IFT80: variants seen among roughly 807,000 people sequenced by gnomAD.
IFT80 encodes intraflagellar transport protein 80 homolog.
IFT80 carries 79 observed loss-of-function variants against 107.9 expected under a neutral mutation model. The observed-to-expected ratio is 0.73, with a 90% CI of 0.61 to 0.88. The LOEUF (loss-of-function observed/expected upper bound fraction) is 0.88, where lower values mean the gene tolerates loss of function less well. Among genes scored for constraint, IFT80 ranks in the 40% least tolerant of loss-of-function variants. The pLI is 0.00. For synonymous variants in IFT80, 299 were observed against 300.9 expected, an observed-to-expected ratio of 0.99 and a Z score of 0.07; for missense variants, 797 against 914.2, an observed-to-expected ratio of 0.87 and a Z score of 1.65.
chr3:160,330,271 T>G (rs1246406583), intron 8 of IFT80, among the ~76,000 whole-genome samples: 3 of 152,168 alleles, frequency 2.0e-5, no homozygotes, highest in Admixed American at 1.3e-4. Context: ...GTTTAAAAGT[T>G]CTCTAGGTGA....
intron 9 of IFT80, among the ~76,000 whole-genome samples, chr3:160,310,530 T>C (rs1242324512): frequency 6.6e-6 from 1 of 152,218 alleles, no homozygotes; most frequent in African/African-American, 2.4e-5. Context: ...AGGAGAATTC[T>C]AGCTAATAAA....
chr3:160,362,172 C>T (rs1048860458), intron 6 of IFT80, among the ~76,000 whole-genome samples: 3 of 151,984 alleles, frequency 2.0e-5, no homozygotes, highest in African/African-American at 4.8e-5. Context: ...CAAATAGATA[C>T]AATAAAAAAT....
chr3:160,277,154 T>C (rs886116721), intron 18 of IFT80, 152 bp downstream of exon 18: 116 of 724,804 alleles, frequency 1.6e-4, no homozygotes, highest in Non-Finnish European at 2.2e-5. Context: ...AAGAAATAAA[T>C]TGTAAACTAT....
intron 1 of IFT80, among the ~76,000 whole-genome samples, chr3:160,393,676 A>C (rs916410745): frequency 6.6e-6 from 1 of 152,216 alleles, no homozygotes; most frequent in Admixed American, 6.5e-5. Flanking sequence ...GATGGTTTTT[A>C]AAAAAGAAAA....
At chr3:160,364,857 T>TG (rs1268834557) in intron 6 of IFT80, among the ~76,000 whole-genome samples, 19 of 151,772 alleles carry the variant, frequency 1.3e-4, no homozygotes, top group African/African-American at 3.6e-4. Context: ...TGTCGTAAGG[T>TG]GGGGGGCTGG....
At chr3:160,344,991 G>A (rs955194888) in intron 8 of IFT80, among the ~76,000 whole-genome samples, 33 of 152,260 alleles carry the variant, frequency 2.2e-4, no homozygotes, top group African/African-American at 7.5e-4. Flanking sequence ...TACCGCTGGT[G>A]AGAATGTAAA....
At chr3:160,322,622 CA>C (rs1718333136) in intron 8 of IFT80, among the ~76,000 whole-genome samples, 1 of 152,096 alleles carries the variant, frequency 6.6e-6, no homozygotes, top group Non-Finnish European at 1.5e-5. Flanking sequence ...CTGACTTCCA[CA>C]AGGGTTGAAC....
chr3:160,310,612 T>C (rs1443854062), intron 9 of IFT80, among the ~76,000 whole-genome samples: 1 of 152,180 alleles, frequency 6.6e-6, no homozygotes, highest in African/African-American at 2.4e-5. Flanking sequence ...TAAACAACTA[T>C]CATTAATGGC....
In IFT80 at chr3:160,367,615, C is replaced by T. The variant is rs938469646; in HGVS notation, c.440-1463G>A. The stretch of plus-strand genomic sequence containing the variant: ...GCTTGGCTAAAAAAAGCTCCAATAT[C>T]TTATAACTAGCATAAAGTTTACTTC... On this transcript the variant is annotated intron_variant, in intron 5 of 19. Transcript: ENST00000326448. Among the ~76,000 whole-genome samples, 4 of 152,148 alleles carry T rather than the reference C, an allele frequency of 2.6e-5. No homozygotes were observed. In the South Asian group the frequency reaches 8.3e-4, roughly 32 times the overall value.
At chr3:160,350,963 A>G (rs1461948552) in intron 8 of IFT80, among the ~76,000 whole-genome samples, 1 of 152,200 alleles carries the variant, frequency 6.6e-6, no homozygotes, top group Non-Finnish European at 1.5e-5. Flanking sequence ...GGGAAAGCTA[A>G]ATAAAATAAA....
intron 19 of IFT80, among the ~76,000 whole-genome samples, chr3:160,264,577 G>A (rs1713135920): frequency 6.7e-6 from 1 of 148,780 alleles, no homozygotes; most frequent in South Asian, 2.1e-4. Flanking sequence ...AACTACAGGT[G>A]CATGTCACCA....
Position 160,277,668 on chromosome 3 carries a change from C to A in IFT80, c.1839G>T (p.Glu613Asp), listed in dbSNP as rs1714372721. The change falls in exon 17 of 20, where the codon GAG (glutamate) becomes GAT (aspartate). Residue 613 changes from glutamate to aspartate, a missense_variant and splice_region_variant. Coordinates refer to ENST00000326448, the MANE Select transcript of IFT80 (RefSeq NM_020800.3). ...CAGCTAGACAAGCCCACATGGTTTG[C>A]TCCTAAAGTAAAGTATGAGAACAAT... ...DAVRLCRFVK[E>D]QTMWACLAAM... The A allele has an allele frequency of 6.2e-7, 1 of 1,610,798 alleles. No individual in the cohort carries two copies. The highest frequency in any genetic ancestry group is 1.3e-5 in the African/African-American group (1 of 74,932).
chr3:160,361,925 GA>G (rs1467618467), intron 6 of IFT80, among the ~76,000 whole-genome samples: 2 of 152,130 alleles, frequency 1.3e-5, no homozygotes, highest in African/African-American at 4.8e-5. Flanking sequence ...GAGAAAGCAG[GA>G]AAGATCTAAA....
At chr3:160,307,891 C>CT in intron 9 of IFT80, 110 bp from the exon 10 acceptor site, 1 of 674,588 alleles carries the variant, frequency 1.5e-6, no homozygotes, top group South Asian at 1.6e-5. Context: ...TACTGATTAC[C>CT]TAATCATATA....
At chr3:160,383,956 T>G (rs1472593687) in intron 2 of IFT80, 2 of 985,330 alleles carry the variant, frequency 2.0e-6, no homozygotes, top group African/African-American at 3.5e-5. Flanking sequence ...AAAAAATGCT[T>G]CATTTTGGCC....
chr3:160,264,815 A>G, intron 19 of IFT80, among the ~76,000 whole-genome samples: 1 of 152,066 alleles, frequency 6.6e-6, no homozygotes, highest in East Asian at 1.9e-4. Flanking sequence ...TTGCCCTATG[A>G]AACCCTAAAG....
intron 12 of IFT80, among the ~76,000 whole-genome samples, chr3:160,287,163 T>C (rs577697133): frequency 6.6e-6 from 1 of 152,196 alleles, no homozygotes; most frequent in East Asian, 1.9e-4. Flanking sequence ...GAAGGTGATG[T>C]GTCCTGAGAG....
At chr3:160,321,356 C>G (rs1312955539) in intron 8 of IFT80, among the ~76,000 whole-genome samples, 1 of 151,884 alleles carries the variant, frequency 6.6e-6, no homozygotes, top group Non-Finnish European at 1.5e-5. Flanking sequence ...ACAAATAAGA[C>G]TTGATATATT....
chr3:160,357,626 A>G (rs1243174712), intron 6 of IFT80, 48 bp from the exon 7 acceptor site: 2 of 1,285,476 alleles, frequency 1.6e-6, no homozygotes, highest in South Asian at 2.5e-5. Flanking sequence ...AAAAGCACTT[A>G]AGTTTTTTTC....
Sources: allele counts gnomAD v4.1 joint callset (sites outside exome capture counted in the v4.1 genomes callset), GRCh38; gene constraint gnomAD v4.1.1; transcripts MANE v1.5; gene names NCBI Gene and HGNC (gene_info 2026-07-23, HGNC 2026-07-21).